The following MAP2K5 variants were observed in gnomAD, a reference collection of about 807,000 sequenced individuals.
The protein encoded by MAP2K5 is mitogen-activated protein kinase kinase 5.
In MAP2K5, 49 loss-of-function variants were observed where a neutral mutation model predicts 83.1. That is an observed-to-expected ratio of 0.59 (90% CI 0.47 to 0.75). The LOEUF is 0.75. MAP2K5 is among the 30% of genes least tolerant of loss of function. The probability of loss-of-function intolerance (pLI) is 0.00; values close to 1 mark genes in which losing one functional copy is unlikely to be tolerated. For missense variants in MAP2K5, 457 were observed against 557.5 expected, an observed-to-expected ratio of 0.82 and a Z score of 1.82; for synonymous variants, 202 against 191.8, an observed-to-expected ratio of 1.05 and a Z score of -0.44.
intron 2 of MAP2K5, among the ~76,000 whole-genome samples, chr15:67,551,889 G>T (rs2084517582): frequency 6.8e-6 from 1 of 147,166 alleles, no homozygotes; most frequent in Non-Finnish European, 1.5e-5. Context: ...TGTACGGAAA[G>T]ATATCTGTGA....
chr15:67,647,729 G>T (rs1204765865), intron 11 of MAP2K5, among the ~76,000 whole-genome samples: 1 of 152,126 alleles, frequency 6.6e-6, no homozygotes, highest in Non-Finnish European at 1.5e-5. Flanking sequence ...AATTAGCCAG[G>T]TGTGGTAGCG....
Position 67,586,879 on chromosome 15 carries a change from A to G in MAP2K5, c.397A>G (p.Ser133Gly). 1 of 1,614,178 alleles carries G rather than the reference A, an allele frequency of 6.2e-7. No homozygotes were observed. Among genetic ancestry groups the G allele is most frequent in the Non-Finnish European group, 8.5e-7 (1 of 1,180,038 alleles). ...TCGGGCCGGACCCTCTCAACACAGCAGCCCAGCAGTCTCAGATTCACTTCC... is the reference window on the plus strand; with the variant it reads ...TCGGGCCGGACCCTCTCAACACAGCGGCCCAGCAGTCTCAGATTCACTTCC... ...NTRAGPSQHS[S>G]PAVSDSLPSN... The change falls in exon 6 of 22, where the codon AGC becomes GGC. Residue 133 changes from serine to glycine, a missense_variant. Coordinates refer to ENST00000178640, the MANE Select transcript of MAP2K5 (RefSeq NM_145160.3).
intron 21 of MAP2K5, among the ~76,000 whole-genome samples, chr15:67,795,154 G>A (rs920728248): frequency 6.6e-6 from 1 of 152,070 alleles, no homozygotes; most frequent in Non-Finnish European, 1.5e-5. Context: ...GACTGGATTT[G>A]TGGTTATGTA....
At chr15:67,795,227 ATCTT>A (rs1305902396) in intron 21 of MAP2K5, among the ~76,000 whole-genome samples, 5 of 152,126 alleles carry the variant, frequency 3.3e-5, no homozygotes, top group Non-Finnish European at 5.9e-5. Context: ...TCTTCATGAC[ATCTT>A]TCTATTTAAT....
intron 9 of MAP2K5, among the ~76,000 whole-genome samples, chr15:67,645,329 A>T (rs1347222495): frequency 6.6e-6 from 1 of 151,762 alleles, no homozygotes; most frequent in Non-Finnish European, 1.5e-5. Flanking sequence ...AAATGCAAAA[A>T]ATTAGCTGGG....
intron 2 of MAP2K5, among the ~76,000 whole-genome samples, chr15:67,551,821 T>C (rs2140947082): frequency 6.6e-6 from 1 of 152,340 alleles, no homozygotes; most frequent in East Asian, 1.9e-4. Context: ...TTACTATTTG[T>C]CTATAATTCA....
intron 16 of MAP2K5, among the ~76,000 whole-genome samples, chr15:67,716,637 C>G (rs924428600): frequency 6.6e-6 from 1 of 152,122 alleles, no homozygotes; most frequent in African/African-American, 2.4e-5. Context: ...GACTTCAGAG[C>G]TTGTTAAATC....
rs1164473645 is a variant in MAP2K5, at chr15:67,702,746, A to G, written c.973-591A>G. ...TTTCAGACTGTTCCTTGGTTCATAT[A>G]CAAAGAAACTCTGATCAATGGAATG... On this transcript the variant is annotated intron_variant, in intron 15 of 21. Transcript: ENST00000178640. The surrounding 1 kb of genome is among the most constrained non-coding windows in gnomAD (Gnocchi z 4.6). 1.3e-5 allele frequency among the ~76,000 whole-genome samples: 2 copies of G among 152,212 alleles called. No homozygotes were observed. The highest frequency in any genetic ancestry group is 2.9e-5 in the Non-Finnish European group (2 of 68,036).
At chr15:67,615,613 A>G (rs2086038223) in intron 8 of MAP2K5, among the ~76,000 whole-genome samples, 1 of 152,166 alleles carries the variant, frequency 6.6e-6, no homozygotes, top group Admixed American at 6.5e-5. Flanking sequence ...TAAACGTGTT[A>G]ATAAAATCTA....
At chr15:67,799,745 C>A (rs1207371798) in intron 21 of MAP2K5, among the ~76,000 whole-genome samples, 3 of 152,214 alleles carry the variant, frequency 2.0e-5, no homozygotes, top group African/African-American at 7.2e-5. Context: ...CCCAATGTTG[C>A]CACTCCCTCC....
Position 67,694,809 on chromosome 15 carries a change from C to T in MAP2K5, c.972+1241C>T, listed in dbSNP as rs1290913745. Among the ~76,000 whole-genome samples the T allele has an allele frequency of 3.9e-5, 6 of 152,054 alleles. No homozygotes were observed. In the South Asian group the frequency reaches 6.3e-4, roughly 16 times the overall value. ...ATGCTGCTATAAAGACACATGCACA[C>T]GTATGTTTATTGTGGCATTATTCAC... On this transcript the variant is annotated intron_variant, in intron 15 of 21. Coordinates refer to ENST00000178640, the MANE Select transcript of MAP2K5 (RefSeq NM_145160.3).
intron 17 of MAP2K5, 135 bp downstream of exon 17, chr15:67,728,080 G>A (rs1020091241): frequency 2.6e-5 from 20 of 761,560 alleles, no homozygotes; most frequent in Non-Finnish European, 4.1e-5. Context: ...TATCTTAAAG[G>A]GTTCATTTAG....
At chr15:67,732,683 G>A (rs1007975642) in intron 17 of MAP2K5, among the ~76,000 whole-genome samples, 3 of 149,480 alleles carry the variant, frequency 2.0e-5, no homozygotes, top group Non-Finnish European at 3.0e-5. Flanking sequence ...CAAAAATTCC[G>A]ACTCCCCGCT....
At chr15:67,691,689 T>A (rs2088117859) in intron 13 of MAP2K5, among the ~76,000 whole-genome samples, 1 of 152,200 alleles carries the variant, frequency 6.6e-6, no homozygotes, top group Admixed American at 6.5e-5. Context: ...GTGGCTTTTT[T>A]GGGCTCCCTG....
At chr15:67,683,405 G>A (rs895304981) in intron 13 of MAP2K5, among the ~76,000 whole-genome samples, 3 of 152,102 alleles carry the variant, frequency 2.0e-5, no homozygotes, top group Admixed American at 2.0e-4. Context: ...CCTTAAAAAA[G>A]GATTCAAGGT....
rs143448322 is a variant in MAP2K5, at chr15:67,597,925, C to A, written c.481-2760C>A. Among the ~76,000 whole-genome samples the A allele has an allele frequency of 2.4e-4, 37 of 152,142 alleles. 2 individuals are homozygous for A. Among genetic ancestry groups the A allele is most frequent in the African/African-American group, 8.9e-4 (37 of 41,500 alleles). On this transcript the variant is annotated intron_variant, in intron 7 of 21. Coordinates refer to ENST00000178640, the MANE Select transcript of MAP2K5 (RefSeq NM_145160.3). Reference sequence around the variant, plus strand: ...TTTTAATATTAAAACACAGTCAGGCCGGGCGTGGTCGCTCATGCTTGTAAT... The same window carrying A: ...TTTTAATATTAAAACACAGTCAGGCAGGGCGTGGTCGCTCATGCTTGTAAT...
intron 17 of MAP2K5, among the ~76,000 whole-genome samples, chr15:67,739,463 T>TA (rs1223279692): frequency 4.9e-5 from 1 of 20,476 alleles, no homozygotes; most frequent in Non-Finnish European, 7.6e-5. Context: ...TATATATATA[T>TA]TTTTTTTTTT....
intron 11 of MAP2K5, among the ~76,000 whole-genome samples, chr15:67,648,394 A>G (rs1052521736): frequency 2.6e-5 from 4 of 152,140 alleles, no homozygotes; most frequent in East Asian, 3.9e-4. Flanking sequence ...ATACTATTGC[A>G]TATATGAGAA....
intron 6 of MAP2K5, chr15:67,588,169 G>A (rs1028873613): frequency 1.1e-6 from 1 of 904,668 alleles, no homozygotes. Flanking sequence ...TGGGTGCTCT[G>A]TGTACTCCAG....
Sources: gnomAD v4.1 joint callset for allele counts (sites outside exome capture counted in the v4.1 genomes callset) on GRCh38, gnomAD v4.1.1 for gene constraint, Gnocchi (gnomAD v3.1) non-coding constraint, MANE v1.5 for transcripts, NCBI Gene and HGNC (gene_info 2026-07-23, HGNC 2026-07-21) for gene names.